Variants in USP30 observed in about 807,000 individuals in gnomAD.
USP30 encodes the protein ubiquitin carboxyl-terminal hydrolase 30.
A neutral mutation model predicts 68.2 loss-of-function variants in USP30; 41 were observed. That is an observed-to-expected ratio of 0.60 (90% CI 0.47 to 0.78). USP30 has a LOEUF of 0.78. Among genes scored for constraint, USP30 ranks in the 30% least tolerant of loss-of-function variants. USP30 has a pLI of 0.00. For synonymous variants in USP30, 229 were observed against 253.7 expected (o/e 0.90, Z 0.93); for missense variants, 522 against 649.4 (o/e 0.80, Z 2.13).
At chr12:109,036,547 C>T (rs2040522685) in intron 3 of USP30, among the ~76,000 whole-genome samples, 1 of 152,118 alleles carries the variant, frequency 6.6e-6, no homozygotes, top group African/African-American at 2.4e-5. Flanking sequence ...ATCCACCCTG[C>T]TTGGCCTCCC....
chr12:109,076,498 T>G (rs2041612368), intron 7 of USP30, among the ~76,000 whole-genome samples: 1 of 152,114 alleles, frequency 6.6e-6, no homozygotes, highest in Non-Finnish European at 1.5e-5. Context: ...CATCTTTGCT[T>G]TGTTTCAAAT....
intron 6 of USP30, among the ~76,000 whole-genome samples, chr12:109,073,093 T>C (rs1162918962): frequency 1.3e-5 from 2 of 152,244 alleles, no homozygotes; most frequent in African/African-American, 4.8e-5. Flanking sequence ...CAGAAGATTT[T>C]ATCTCGCTTT....
intron 3 of USP30, among the ~76,000 whole-genome samples, chr12:109,040,905 T>C (rs925062796): frequency 2.0e-5 from 3 of 152,328 alleles, no homozygotes; most frequent in East Asian, 1.9e-4. Flanking sequence ...TGGGGGATCA[T>C]TGGGGACATA....
chr12:109,050,691 G>C (rs1308014427), upstream of USP30, among the ~76,000 whole-genome samples: 1 of 152,106 alleles, frequency 6.6e-6, no homozygotes. Context: ...ACTCCAAACT[G>C]AGAGGTACTT....
chr12:109,075,122 A>G (rs986532262), intron 7 of USP30, among the ~76,000 whole-genome samples: 4 of 152,174 alleles, frequency 2.6e-5, no homozygotes, highest in Admixed American at 2.6e-4. Context: ...TGGACATTCC[A>G]TATCTTGGCT....
chr12:109,082,847 C>CTCAG lies in USP30; in HGVS notation c.955_958dup (p.Cys320SerfsTer23). On this transcript the variant is annotated frameshift_variant, in exon 11 of 13. Coordinates refer to ENST00000257548, the MANE Select transcript of USP30 (RefSeq NM_032663.5). LOFTEE classifies it high-confidence loss of function. The stretch of plus-strand genomic sequence containing the variant: ...CGATTTCTCTTCCACCCGCAGCTCC[C>CTCAG]TCAGTGTCTCTGCATCCACCTACAG... The CTCAG allele has an allele frequency of 1.2e-6, 2 of 1,613,614 alleles. No individual in the cohort carries two copies. The highest frequency in any genetic ancestry group is 1.7e-6 in the Non-Finnish European group (2 of 1,179,622).
Position 109,085,726 on chromosome 12 carries a change from C to T in USP30, c.1349C>T (p.Ser450Phe). ...GTCGTCCACCATGGAGACATGCACTCTGGACACTTTGTCACTTACCGACGG... is the reference window on the plus strand; with the variant it reads ...GTCGTCCACCATGGAGACATGCACTTTGGACACTTTGTCACTTACCGACGG... ...AVVVHHGDMH[S>F]GHFVTYRRSP... The change falls in exon 13 of 13, where the codon TCT (serine) becomes TTT (phenylalanine). Residue 450 changes from serine to phenylalanine, a missense_variant. Transcript: ENST00000257548. 6.2e-7 allele frequency: 1 copy of T among 1,614,270 alleles called. No homozygotes were observed. The highest frequency in any genetic ancestry group is 8.5e-7 in the Non-Finnish European group (1 of 1,180,054).
intron 7 of USP30, among the ~76,000 whole-genome samples, chr12:109,075,357 C>CT (rs1347816641): frequency 8.6e-5 from 13 of 151,630 alleles, no homozygotes; most frequent in South Asian, 8.4e-4. Flanking sequence ...TACGTGCTGT[C>CT]TTTTTTTTTC....
intron 1 of USP30, chr12:109,053,596 G>T (rs1407226056): frequency 6.4e-6 from 1 of 155,878 alleles, no homozygotes; most frequent in Non-Finnish European, 1.4e-5. Context: ...CAGGTTTAAA[G>T]AGCTTATTAT....
chr12:109,081,639 AC>A, intron 8 of USP30: 1 of 587,334 alleles, frequency 1.7e-6, no homozygotes, highest in Non-Finnish European at 3.0e-6. Flanking sequence ...ACACACACAC[AC>A]ACACACACAC....
chr12:109,081,786 T>A, intron 8 of USP30, 147 bp from the exon 9 acceptor site: 1 of 795,624 alleles, frequency 1.3e-6, no homozygotes, highest in Non-Finnish European at 2.1e-6. Context: ...AGCCCCATGT[T>A]TGTCCAGGAA....
chr12:109,040,603 G>T (rs894351726), intron 3 of USP30, among the ~76,000 whole-genome samples: 1 of 152,236 alleles, frequency 6.6e-6, no homozygotes, highest in African/African-American at 2.4e-5. Flanking sequence ...CTATGGCTGT[G>T]GTCTCATCTG....
chr12:109,081,152 T>A lies in USP30; in HGVS notation c.721-182T>A, dbSNP rs139031766. On this transcript the variant is annotated intron_variant, in intron 7 of 12. Transcript: ENST00000257548. ...AGCGATTCTTTAGTATTATTGTACC[T>A]CTTATGTGTACAAGGTTGTTTTAAT... Among the ~76,000 whole-genome samples the A allele has an allele frequency of 2.4e-3, 359 of 152,378 alleles. 1 individual carries two copies. Among genetic ancestry groups the A allele is most frequent in the Non-Finnish European group, 4.1e-3 (281 of 68,040 alleles).
At chr12:109,067,420 G>A (rs73195457) in intron 3 of USP30, 104 bp from the exon 4 acceptor site, 4 of 1,021,728 alleles carry the variant, frequency 3.9e-6, no homozygotes, top group South Asian at 1.6e-5. Context: ...CCCAGCCTGC[G>A]GTCTTTAATT....
upstream of USP30, among the ~76,000 whole-genome samples, chr12:109,048,036 T>G (rs1174479273): frequency 6.6e-6 from 1 of 151,668 alleles, no homozygotes; most frequent in Admixed American, 6.6e-5. Flanking sequence ...GGCCGTACAA[T>G]GAGTGATGTG....
chr12:109,025,336 G>A (rs906328597), intron 2 of USP30, among the ~76,000 whole-genome samples: 1 of 151,760 alleles, frequency 6.6e-6, no homozygotes, highest in Non-Finnish European at 1.5e-5. Flanking sequence ...TTATATCTAT[G>A]TAATATATTA....
chr12:109,079,365 T>C (rs2041727576), intron 7 of USP30, among the ~76,000 whole-genome samples: 1 of 122,504 alleles, frequency 8.2e-6, no homozygotes, highest in Non-Finnish European at 1.7e-5. Flanking sequence ...TTTTTTTTTT[T>C]TTTTTTTTTT....
chr12:109,067,576 G>T lies in USP30; in HGVS notation c.429G>T (p.Leu143Phe). 1 of 1,614,202 alleles carries T rather than the reference G, an allele frequency of 6.2e-7. No individual in the cohort carries two copies. Among genetic ancestry groups the T allele is most frequent in the Non-Finnish European group, 8.5e-7 (1 of 1,180,032 alleles). Residue 143 changes from leucine to phenylalanine, a missense_variant, in exon 4 of 13, where the codon TTG becomes TTT. Coordinates refer to ENST00000257548, the MANE Select transcript of USP30 (RefSeq NM_032663.5). ...ATGAGGTCTTAGATGCAAGCTGCTT[G>T]TTGGATGTCTTAAGAATGTACAGAT... ...TDDEVLDASC[L>F]LDVLRMYRWQ... is the part of the protein sequence containing the mutation.
At chr12:109,052,418 A>G, upstream of USP30, 2 of 365,354 alleles carry the variant, frequency 5.5e-6, no homozygotes, top group Non-Finnish European at 9.8e-6. Flanking sequence ...AAGCAGCCCC[A>G]GGCAACTGAG....
Sources: allele counts gnomAD v4.1 joint callset (sites outside exome capture counted in the v4.1 genomes callset), GRCh38; gene constraint gnomAD v4.1.1; transcripts MANE v1.5; gene names NCBI Gene and HGNC (gene_info 2026-07-23, HGNC 2026-07-21).